The following PDE10A variants were observed in gnomAD, a reference collection of about 807,000 sequenced individuals.
PDE10A encodes the protein cAMP and cAMP-inhibited cGMP 3',5'-cyclic phosphodiesterase 10A.
Under a neutral mutation model 97.7 loss-of-function variants are expected in PDE10A, and 39 were observed. The observed-to-expected ratio is 0.40, with a 90% confidence interval of 0.31 to 0.52. The LOEUF is 0.52. Ranked by LOEUF, PDE10A falls within the 20% of genes least tolerant of loss-of-function variation. The pLI, the probability that PDE10A is intolerant of heterozygous loss-of-function variation, is 0.56. For synonymous variants in PDE10A, 371 were observed against 376.8 expected (o/e 0.98, Z 0.18); for missense variants, 731 against 1,047.8 (o/e 0.70, Z 4.17).
At chr6:165,683,894 A>C (rs1791045998) in intron 1 of PDE10A, among the ~76,000 whole-genome samples, 1 of 152,144 alleles carries the variant, frequency 6.6e-6, no homozygotes, top group Non-Finnish European at 1.5e-5. Flanking sequence ...CCCAGGCATC[A>C]TCCTAGCCCT....
At chr6:165,368,488 C>T (rs1023030587) in intron 18 of PDE10A, among the ~76,000 whole-genome samples, 12 of 151,978 alleles carry the variant, frequency 7.9e-5, no homozygotes, top group Non-Finnish European at 1.3e-4. Flanking sequence ...CAATTCAAAG[C>T]GGACTAATAA....
At chr6:165,890,712 G>A (rs1210746883) in intron 1 of PDE10A, among the ~76,000 whole-genome samples, 2 of 152,162 alleles carry the variant, frequency 1.3e-5, no homozygotes, top group Non-Finnish European at 1.5e-5. Context: ...ACAGGCTCCC[G>A]GTGAGAGGGT....
intron 1 of PDE10A, among the ~76,000 whole-genome samples, chr6:165,943,872 T>G (rs1300921022): frequency 6.6e-6 from 1 of 152,182 alleles, no homozygotes; most frequent in Non-Finnish European, 1.5e-5. Flanking sequence ...CTACCAGCAG[T>G]TCAAAACAAC....
intron 4 of PDE10A, among the ~76,000 whole-genome samples, chr6:165,449,180 G>A (rs2128248831): frequency 6.6e-6 from 1 of 152,260 alleles, no homozygotes; most frequent in Admixed American, 6.5e-5. Flanking sequence ...TCATCAGTGA[G>A]TATAAAATTT....
intron 1 of PDE10A, among the ~76,000 whole-genome samples, chr6:165,689,835 G>A (rs1791222967): frequency 6.6e-6 from 1 of 152,102 alleles, no homozygotes. Flanking sequence ...CATGGTACGA[G>A]CTCAATACAT....
rs576571320 is a variant in PDE10A, at chr6:165,620,192, T to C, written c.865+41755A>G. On this transcript the variant is annotated intron_variant, in intron 1 of 21. Transcript: ENST00000539869. ...CTCCACTTCCGGGCCACGATACATT[T>C]TGCAATACCCAGAACCAGTCTATAT... Among the ~76,000 whole-genome samples, 12 of 152,300 alleles carry C rather than the reference T, an allele frequency of 7.9e-5. No individual in the cohort carries two copies. In the South Asian group the frequency reaches 2.5e-3, roughly 32 times the overall value.
At chr6:165,513,876 ATTAG>A in intron 2 of PDE10A, among the ~76,000 whole-genome samples, 1 of 151,974 alleles carries the variant, frequency 6.6e-6, no homozygotes, top group South Asian at 2.1e-4. Flanking sequence ...TAATTTATTC[ATTAG>A]TTTTGTAGTT....
chr6:165,430,276 T>C lies in PDE10A; in HGVS notation c.1601+11A>G. On this transcript the variant is annotated intron_variant, in intron 9 of 21. Coordinates refer to ENST00000539869, the MANE Select transcript of PDE10A (RefSeq NM_001385079.1). ...TAATAAGAGCTACTATCCCTAGAAA[T>C]GAACACTTACTTTGATACGTCGAGT... 6.2e-7 allele frequency: 1 copy of C among 1,600,256 alleles called. No homozygotes were observed. The highest frequency in any genetic ancestry group is 8.5e-7 in the Non-Finnish European group (1 of 1,169,756).
chr6:165,606,703 A>G (rs1264893457), intron 1 of PDE10A, among the ~76,000 whole-genome samples: 1 of 152,146 alleles, frequency 6.6e-6, no homozygotes, highest in Non-Finnish European at 1.5e-5. Flanking sequence ...AGTAGGAGAA[A>G]GGCTTAGGGT....
At chr6:165,742,785 T>A (rs550896200) in intron 1 of PDE10A, among the ~76,000 whole-genome samples, 2 of 152,166 alleles carry the variant, frequency 1.3e-5, no homozygotes, top group East Asian at 3.9e-4. Flanking sequence ...AGCTGTGCTC[T>A]TCCACCCCCT....
At chr6:165,563,427 A>G (rs1342965639) in intron 1 of PDE10A, among the ~76,000 whole-genome samples, 2 of 152,182 alleles carry the variant, frequency 1.3e-5, no homozygotes, top group Non-Finnish European at 1.5e-5. Flanking sequence ...AAGAAAACTA[A>G]GTATAGACAT....
chr6:165,431,621 C>CAT (rs56071486), intron 7 of PDE10A, 149 bp from the exon 8 acceptor site: 3,513 of 239,728 alleles, frequency 0.015, 113 homozygotes, highest in African/African-American at 0.078. Context: ...TCATACATAA[C>CAT]ATATATATAT....
intron 2 of PDE10A, among the ~76,000 whole-genome samples, chr6:165,496,919 G>A (rs1057103124): frequency 5.3e-5 from 8 of 152,022 alleles, no homozygotes; most frequent in South Asian, 2.1e-4. Context: ...AAAGCTAAGC[G>A]TTTGTGGAAG....
intron 13 of PDE10A, among the ~76,000 whole-genome samples, chr6:165,396,910 G>T (rs898867346): frequency 6.6e-6 from 1 of 152,102 alleles, no homozygotes; most frequent in Non-Finnish European, 1.5e-5. Context: ...TCCTTGGGAA[G>T]GTTTTATCAT....
At chr6:165,663,480 G>A (rs1477921851), upstream of PDE10A, among the ~76,000 whole-genome samples, 2 of 152,228 alleles carry the variant, frequency 1.3e-5, no homozygotes, top group Non-Finnish European at 2.9e-5. Context: ...TGCTCCAGCT[G>A]TGCGCTGCTG....
At chr6:165,971,522 T>C (rs1198028278) in intron 1 of PDE10A, among the ~76,000 whole-genome samples, 4 of 152,194 alleles carry the variant, frequency 2.6e-5, no homozygotes, top group Admixed American at 1.3e-4. Context: ...ACAGGAAACA[T>C]GTGACTGTGC....
intron 1 of PDE10A, among the ~76,000 whole-genome samples, chr6:165,906,750 C>A (rs1452710529): frequency 3.3e-5 from 5 of 152,198 alleles, no homozygotes; most frequent in Non-Finnish European, 7.3e-5. Context: ...CACTTAAACG[C>A]TGCCCAAAGG....
At chr6:165,650,934 C>T (rs1004341620) in intron 1 of PDE10A, among the ~76,000 whole-genome samples, 26 of 152,176 alleles carry the variant, frequency 1.7e-4, no homozygotes, top group African/African-American at 6.0e-4. Flanking sequence ...AATGGGTTTT[C>T]ACCATGTTGG....
At chr6:165,652,037 T>C (rs563558393) in intron 1 of PDE10A, among the ~76,000 whole-genome samples, 1 of 152,334 alleles carries the variant, frequency 6.6e-6, no homozygotes, top group South Asian at 2.1e-4. Flanking sequence ...CTTGTCTTCA[T>C]TACTGAGGTT....
Sources: allele counts gnomAD v4.1 joint callset (sites outside exome capture counted in the v4.1 genomes callset), GRCh38; gene constraint gnomAD v4.1.1; transcripts MANE v1.5; gene names NCBI Gene and HGNC (gene_info 2026-07-23, HGNC 2026-07-21).